ANKRD44: variants seen among roughly 807,000 people sequenced by gnomAD.
The protein encoded by ANKRD44 is serine/threonine-protein phosphatase 6 regulatory ankyrin repeat subunit B.
In ANKRD44, 35 loss-of-function variants were observed where a neutral mutation model predicts 116.0. The observed-to-expected ratio is 0.30, with a 90% confidence interval of 0.23 to 0.40. The LOEUF is 0.40. ANKRD44 is among the 10% of genes least tolerant of loss of function. The pLI, the probability that ANKRD44 is intolerant of heterozygous loss-of-function variation, is 1.00. For synonymous variants in ANKRD44, 435 were observed against 461.8 expected (o/e 0.94, Z 0.74); for missense variants, 1,014 against 1,242.6 (o/e 0.82, Z 2.77).
At position 196,989,603 on chromosome 2, in the gene ANKRD44, TTG is replaced by T; in HGVS notation, c.2968_2969del (p.Gln990LysfsTer32). 1.3e-6 allele frequency: 2 copies of T among 1,550,202 alleles called. No individual in the cohort carries two copies. Among genetic ancestry groups the T allele is most frequent in the Non-Finnish European group, 1.7e-6 (2 of 1,146,772 alleles). ...TTTTTAAAGAGTCTCATTCTTCTTT[TTG>T]TACAGCGGTTCCAGGTGTGGAACGG... ...GPRSTPGTAV[Q>X]KEE is the part of the protein sequence containing the mutation. On this transcript the variant is annotated frameshift_variant, in exon 28 of 28. Coordinates refer to ENST00000282272, the MANE Select transcript of ANKRD44 (RefSeq NM_001195144.2). LOFTEE classifies it high-confidence loss of function.
At chr2:197,014,189 T>G (rs2076347076) in intron 17 of ANKRD44, among the ~76,000 whole-genome samples, 1 of 152,192 alleles carries the variant, frequency 6.6e-6, no homozygotes, top group South Asian at 2.1e-4. Flanking sequence ...ATGTAGATGT[T>G]CTGTTATAGG....
chr2:197,261,634 A>C (rs1304661261), intron 1 of ANKRD44, among the ~76,000 whole-genome samples: 1 of 152,118 alleles, frequency 6.6e-6, no homozygotes, highest in African/African-American at 2.4e-5. Flanking sequence ...TAAAGCTTTG[A>C]TGACTGTACA....
chr2:197,036,789 T>C (rs1275935637), intron 16 of ANKRD44, among the ~76,000 whole-genome samples: 2 of 152,228 alleles, frequency 1.3e-5, no homozygotes, highest in African/African-American at 4.8e-5. Flanking sequence ...TGCATGGTAT[T>C]TCAAACTACC....
chr2:197,170,190 CAAAAA>C lies in ANKRD44; in HGVS notation c.111+16828_111+16832del, dbSNP rs71012960. 7.9e-3 allele frequency among the ~76,000 whole-genome samples: 944 copies of C among 119,552 alleles called. 3 individuals carry two copies. Among genetic ancestry groups the C allele is most frequent in the East Asian group, 9.9e-3 (41 of 4,162 alleles). The allele number at this position is 119,552 out of a possible 152,430, so 78.4% of individuals were successfully genotyped here. A position where few individuals can be genotyped will look rare whatever the true frequency, so the allele number is the denominator to read the frequency against. ...GGGCGATAGAACAAGACCCTGTTTCCAAAAAAAAAAAAAAAAAAAAAAAACTGGGA... is the reference window on the plus strand; with the variant it reads ...GGGCGATAGAACAAGACCCTGTTTCCAAAAAAAAAAAAAAAAAAACTGGGA... On this transcript the variant is annotated intron_variant, in intron 2 of 27. Transcript: ENST00000282272.
intron 22 of ANKRD44, among the ~76,000 whole-genome samples, chr2:197,001,223 G>C (rs1032872608): frequency 6.6e-6 from 1 of 152,198 alleles, no homozygotes; most frequent in Admixed American, 6.5e-5. Flanking sequence ...TGGAAGCCCA[G>C]TTGAAAACAG....
At chr2:197,056,652 A>G (rs1354711194) in intron 16 of ANKRD44, among the ~76,000 whole-genome samples, 1 of 152,196 alleles carries the variant, frequency 6.6e-6, no homozygotes, top group African/African-American at 2.4e-5. Flanking sequence ...AACATTTTAT[A>G]TAATATTTTA....
intron 1 of ANKRD44, among the ~76,000 whole-genome samples, chr2:197,244,449 T>C (rs1467420547): frequency 6.6e-6 from 1 of 152,210 alleles, no homozygotes; most frequent in Non-Finnish European, 1.5e-5. Flanking sequence ...CTTCCTGTCT[T>C]TCTGAATGAT....
intron 1 of ANKRD44, among the ~76,000 whole-genome samples, chr2:197,206,842 A>G (rs910245124): frequency 1.3e-5 from 2 of 152,242 alleles, no homozygotes; most frequent in African/African-American, 4.8e-5. Flanking sequence ...TAGGAGTCAC[A>G]TAAGATAAAT....
intron 8 of ANKRD44, among the ~76,000 whole-genome samples, chr2:197,116,221 G>T (rs148888368): frequency 3.0e-4 from 45 of 152,230 alleles, no homozygotes; most frequent in African/African-American, 9.4e-4. Context: ...CCTCTGGTAT[G>T]GGGCACACTG....
intron 17 of ANKRD44, among the ~76,000 whole-genome samples, chr2:197,022,430 C>A (rs905318628): frequency 2.6e-5 from 4 of 152,162 alleles, no homozygotes; most frequent in African/African-American, 9.7e-5. Flanking sequence ...CCTCAAGACC[C>A]TCCTAATAGT....
At chr2:197,128,654 T>C (rs1427687689) in intron 4 of ANKRD44, among the ~76,000 whole-genome samples, 4 of 152,246 alleles carry the variant, frequency 2.6e-5, no homozygotes, top group Non-Finnish European at 5.9e-5. Context: ...AGATCTCATT[T>C]GTCAATTTTT....
chr2:197,046,284 T>C (rs976765678), intron 16 of ANKRD44, among the ~76,000 whole-genome samples: 8 of 152,234 alleles, frequency 5.3e-5, no homozygotes, highest in African/African-American at 1.9e-4. Context: ...GATTTCCTGA[T>C]GCTAAATTCC....
At chr2:197,151,168 G>A (rs1454658221) in intron 2 of ANKRD44, among the ~76,000 whole-genome samples, 1 of 148,008 alleles carries the variant, frequency 6.8e-6, no homozygotes, top group Non-Finnish European at 1.5e-5. Flanking sequence ...ATACCCCTAA[G>A]GTCCCTAGAA....
At chr2:197,130,026 C>T (rs1234902782) in intron 4 of ANKRD44, among the ~76,000 whole-genome samples, 1 of 152,178 alleles carries the variant, frequency 6.6e-6, no homozygotes, top group African/African-American at 2.4e-5. Context: ...AGAATAAATA[C>T]ATTGCTGTAA....
intron 10 of ANKRD44, among the ~76,000 whole-genome samples, chr2:197,093,261 A>C (rs2078086125): frequency 6.6e-6 from 1 of 152,218 alleles, no homozygotes; most frequent in Non-Finnish European, 1.5e-5. Context: ...AAACTCTATA[A>C]GAAACCAATT....
At chr2:197,181,275 C>T (rs1360706792) in intron 2 of ANKRD44, among the ~76,000 whole-genome samples, 1 of 151,882 alleles carries the variant, frequency 6.6e-6, no homozygotes, top group Non-Finnish European at 1.5e-5. Flanking sequence ...GGGGACAATT[C>T]AACTGAAAAA....
chr2:197,063,876 T>C (rs2077373961), intron 16 of ANKRD44, among the ~76,000 whole-genome samples: 1 of 152,288 alleles, frequency 6.6e-6, no homozygotes, highest in Non-Finnish European at 1.5e-5. Flanking sequence ...TGGAAAACAC[T>C]GCAGGATATT....
At chr2:197,071,367 G>A (rs2125097651) in intron 16 of ANKRD44, among the ~76,000 whole-genome samples, 1 of 152,224 alleles carries the variant, frequency 6.6e-6, no homozygotes, top group East Asian at 1.9e-4. Context: ...ATTTAGCTGA[G>A]TCCCCAAATT....
chr2:197,278,935 G>A (rs980677388), intron 1 of ANKRD44, among the ~76,000 whole-genome samples: 5 of 152,172 alleles, frequency 3.3e-5, no homozygotes, highest in Non-Finnish European at 5.9e-5. Flanking sequence ...CCCTCCACGT[G>A]GAATTCTCAT....
Sources: gnomAD v4.1 joint callset for allele counts (sites outside exome capture counted in the v4.1 genomes callset) on GRCh38, gnomAD v4.1.1 for gene constraint, MANE v1.5 for transcripts, NCBI Gene and HGNC (gene_info 2026-07-23, HGNC 2026-07-21) for gene names.